Variants in PCGF5 observed in about 807,000 individuals in gnomAD.
PCGF5 encodes polycomb group ring finger 5.
A neutral mutation model predicts 44.3 loss-of-function variants in PCGF5; 9 were observed. That is an observed-to-expected ratio of 0.20 (90% CI 0.12 to 0.35). PCGF5 has a LOEUF of 0.35. Among genes scored for constraint, PCGF5 ranks in the 10% least tolerant of loss-of-function variants. PCGF5 has a pLI of 1.00. For missense variants in PCGF5, 146 were observed against 305.3 expected (o/e 0.48, Z 3.89); for synonymous variants, 95 against 102.5 (o/e 0.93, Z 0.44).
At chr10:91,257,587 G>T (rs1845788364) in intron 6 of PCGF5, among the ~76,000 whole-genome samples, 1 of 152,036 alleles carries the variant, frequency 6.6e-6, no homozygotes, top group African/African-American at 2.4e-5. Flanking sequence ...TAATGGACAG[G>T]TGGCCTATAC....
At chr10:91,219,601 C>T (rs1416541602), upstream of PCGF5, among the ~76,000 whole-genome samples, 1 of 152,104 alleles carries the variant, frequency 6.6e-6, no homozygotes, top group African/African-American at 2.4e-5. Flanking sequence ...GAAGTTGATC[C>T]CAGCTTGGAC....
intron 9 of PCGF5, among the ~76,000 whole-genome samples, chr10:91,272,362 G>T (rs1401143824): frequency 1.3e-5 from 2 of 152,120 alleles, no homozygotes; most frequent in African/African-American, 4.8e-5. Context: ...ATCCATTGTT[G>T]GGCCAGGCAT....
chr10:91,234,301 T>C (rs903061236), intron 2 of PCGF5, among the ~76,000 whole-genome samples: 5 of 152,214 alleles, frequency 3.3e-5, no homozygotes, highest in Non-Finnish European at 7.3e-5. Flanking sequence ...TGTAAACATA[T>C]GTTTATTTTT....
intron 6 of PCGF5, among the ~76,000 whole-genome samples, chr10:91,253,278 C>T (rs1398738250): frequency 2.0e-5 from 3 of 151,770 alleles, no homozygotes; most frequent in African/African-American, 7.3e-5. Context: ...ATTTTGTCAC[C>T]CAGGTAATAG....
At chr10:91,172,655 T>C (rs1350331774) in intron 1 of PCGF5, among the ~76,000 whole-genome samples, 1 of 152,250 alleles carries the variant, frequency 6.6e-6, no homozygotes, top group African/African-American at 2.4e-5. Context: ...TGGTTACCCT[T>C]GAACATAGGT....
intron 1 of PCGF5, among the ~76,000 whole-genome samples, chr10:91,201,075 A>C (rs569980178): frequency 6.6e-6 from 1 of 152,280 alleles, no homozygotes; most frequent in African/African-American, 2.4e-5. Flanking sequence ...AAAAGTGAGA[A>C]GAGCTGCCCA....
At chr10:91,263,119 C>G (rs1845963469) in intron 7 of PCGF5, among the ~76,000 whole-genome samples, 1 of 152,096 alleles carries the variant, frequency 6.6e-6, no homozygotes, top group African/African-American at 2.4e-5. Flanking sequence ...TCAGTTCCCC[C>G]CTTATTTTGC....
rs150723951 is a variant in PCGF5, at chr10:91,254,878, T to C, written c.474+3438T>C. Among the ~76,000 whole-genome samples the C allele has an allele frequency of 1.6e-3, 241 of 152,230 alleles. 1 individual carries two copies. The highest frequency in any genetic ancestry group is 5.7e-3 in the African/African-American group (236 of 41,556). ...TTATAGATGCATATAGAGCATTTTA[T>C]CAAGAAGATGACTAACTATCAGTAT... On this transcript the variant is annotated intron_variant, in intron 6 of 9. Transcript: ENST00000336126.
chr10:91,282,968 A>G lies in PCGF5; in HGVS notation c.*4652A>G, dbSNP rs1846489370. 6.6e-6 allele frequency: 1 copy of G among 152,302 alleles called. No homozygotes were observed. The highest frequency in any genetic ancestry group is 1.5e-5 in the Non-Finnish European group (1 of 68,036). 9.4% of individuals were successfully genotyped at this position (152,302 alleles called of 1,614,324 possible). On this transcript the variant is annotated 3_prime_UTR_variant, in exon 10 of 10. Coordinates refer to ENST00000336126, the MANE Select transcript of PCGF5 (RefSeq NM_032373.5). ...ATGTCTGCTAGATCTGGTTTATGAA[A>G]AAGTGAAAAATATTAAATACACCAG...
intron 1 of PCGF5, among the ~76,000 whole-genome samples, chr10:91,186,506 C>A (rs1843925803): frequency 6.7e-6 from 1 of 149,194 alleles, no homozygotes; most frequent in African/African-American, 2.5e-5. Context: ...TATTTTAGAC[C>A]TCAGGGAAAA....
chr10:91,183,065 T>C (rs1463708371), intron 1 of PCGF5, among the ~76,000 whole-genome samples: 1 of 152,180 alleles, frequency 6.6e-6, no homozygotes, highest in Non-Finnish European at 1.5e-5. Flanking sequence ...AGTACATGTT[T>C]TGTGGCAATG....
chr10:91,201,222 A>G (rs1024626991), intron 1 of PCGF5, among the ~76,000 whole-genome samples: 1 of 152,166 alleles, frequency 6.6e-6, no homozygotes, highest in African/African-American at 2.4e-5. Context: ...AGGGTGAGGT[A>G]TCTGGTGAGG....
chr10:91,196,112 G>A (rs537188145), intron 1 of PCGF5, among the ~76,000 whole-genome samples: 1 of 152,036 alleles, frequency 6.6e-6, no homozygotes, highest in East Asian at 1.9e-4. Flanking sequence ...TGTCAGAATG[G>A]CTCACTGGTT....
At chr10:91,182,521 A>G (rs1330528600) in intron 1 of PCGF5, among the ~76,000 whole-genome samples, 1 of 152,050 alleles carries the variant, frequency 6.6e-6, no homozygotes. Flanking sequence ...GATCTTTTCA[A>G]TGGTTTTTCA....
intron 9 of PCGF5, among the ~76,000 whole-genome samples, chr10:91,272,173 G>A (rs1487857824): frequency 6.6e-6 from 1 of 152,204 alleles, no homozygotes; most frequent in Non-Finnish European, 1.5e-5. Flanking sequence ...ATGATAGTGA[G>A]CTAATTTAGT....
At chr10:91,270,591 T>C (rs2133447342) in intron 8 of PCGF5, among the ~76,000 whole-genome samples, 1 of 152,242 alleles carries the variant, frequency 6.6e-6, no homozygotes, top group South Asian at 2.1e-4. Context: ...GACTGACTGC[T>C]AGAGAAAAAA....
intron 7 of PCGF5, among the ~76,000 whole-genome samples, chr10:91,263,456 T>C (rs558185246): frequency 6.6e-6 from 1 of 152,312 alleles, no homozygotes; most frequent in South Asian, 2.1e-4. Context: ...TAACTGAAAC[T>C]ATACTCATCT....
At chr10:91,227,344 A>G in intron 2 of PCGF5, 7 of 1,118,994 alleles carry the variant, frequency 6.3e-6, no homozygotes, top group African/African-American at 1.6e-5. Flanking sequence ...TAGCTGCAGA[A>G]TCCTACTGGA....
At chr10:91,199,521 C>T (rs766228774) in intron 1 of PCGF5, among the ~76,000 whole-genome samples, 14 of 152,232 alleles carry the variant, frequency 9.2e-5, no homozygotes, top group Non-Finnish European at 1.6e-4. Flanking sequence ...AGGCCAACAA[C>T]ATCCCCATCA....
Sources: gnomAD v4.1 joint callset for allele counts (sites outside exome capture counted in the v4.1 genomes callset) on GRCh38, gnomAD v4.1.1 for gene constraint, MANE v1.5 for transcripts, NCBI Gene and HGNC (gene_info 2026-07-23, HGNC 2026-07-21) for gene names.